The following RBFOX1 variants were observed in gnomAD, a reference collection of about 807,000 sequenced individuals.
RBFOX1 encodes RNA binding protein fox-1 homolog 1.
RBFOX1 carries 8 observed loss-of-function variants against 57.7 expected under a neutral mutation model. The observed-to-expected ratio is 0.14, with a 90% CI of 0.08 to 0.25. The LOEUF is 0.25. RBFOX1 is among the 10% of genes least tolerant of loss of function. The probability of loss-of-function intolerance (pLI) is 1.00; values close to 1 mark genes in which losing one functional copy is unlikely to be tolerated. For missense variants in RBFOX1, 611 were observed against 548.5 expected, an observed-to-expected ratio of 1.11 and a Z score of -1.14; for synonymous variants, 326 against 222.4, an observed-to-expected ratio of 1.47 and a Z score of -4.15.
chr16:6,813,901 G>T (rs2089413122), intron 3 of RBFOX1, among the ~76,000 whole-genome samples: 1 of 152,056 alleles, frequency 6.6e-6, no homozygotes, highest in African/African-American at 2.4e-5. Context: ...GGGAGATAAT[G>T]GTCCAGACTG....
At chr16:7,140,567 T>C (rs1377749615) in intron 4 of RBFOX1, among the ~76,000 whole-genome samples, 1 of 152,122 alleles carries the variant, frequency 6.6e-6, no homozygotes, top group Non-Finnish European at 1.5e-5. Context: ...CATTGATGAA[T>C]TTGGGGGCAT....
intron 1 of RBFOX1, among the ~76,000 whole-genome samples, chr16:5,427,372 G>C (rs1437539746): frequency 6.6e-6 from 1 of 152,198 alleles, no homozygotes; most frequent in East Asian, 1.9e-4. Context: ...ATCACCTGAG[G>C]TCAGGAGTTC....
At chr16:6,035,245 C>T (rs1168169782) in intron 1 of RBFOX1, among the ~76,000 whole-genome samples, 2 of 152,170 alleles carry the variant, frequency 1.3e-5, no homozygotes, top group Admixed American at 6.5e-5. Flanking sequence ...AGCATAACAC[C>T]AGAGACATGT....
At chr16:6,438,012 G>T (rs1251279847) in intron 2 of RBFOX1, among the ~76,000 whole-genome samples, 1 of 152,154 alleles carries the variant, frequency 6.6e-6, no homozygotes, top group Admixed American at 6.5e-5. Context: ...TGACTCTTGT[G>T]CCAGGAAAGA....
rs944656679 is a variant in RBFOX1, at chr16:7,360,700, C to T, written c.28-157447C>T. Among the ~76,000 whole-genome samples the T allele has an allele frequency of 7.9e-5, 12 of 152,326 alleles. No individual in the cohort carries two copies. In the East Asian group the frequency reaches 9.7e-4, roughly 12 times the overall value. On this transcript the variant is annotated intron_variant, in intron 4 of 15. Coordinates refer to ENST00000550418, the MANE Select transcript of RBFOX1 (RefSeq NM_018723.4). ...GTCCCTGGGATCTGTTGTAAATCTT[C>T]TCTGGATAATGCTGTCAACACACAG...
chr16:6,314,673 G>A (rs537667273), intron 1 of RBFOX1, among the ~76,000 whole-genome samples: 78 of 152,250 alleles, frequency 5.1e-4, no homozygotes, highest in African/African-American at 1.9e-3. Flanking sequence ...GGGGGTAGGA[G>A]CTGAAAAGGT....
chr16:7,229,846 G>A (rs1303165416), intron 4 of RBFOX1, among the ~76,000 whole-genome samples: 3 of 13,370 alleles, frequency 2.2e-4, no homozygotes, highest in African/African-American at 1.5e-3. Context: ...GGAAGGGAGA[G>A]AGAGGGAGGA....
At chr16:5,637,455 G>A (rs567241697) in intron 3 of RBFOX1, among the ~76,000 whole-genome samples, 56 of 152,278 alleles carry the variant, frequency 3.7e-4, no homozygotes, top group Non-Finnish European at 6.8e-4. Flanking sequence ...GACAGTAAAG[G>A]AATAAAACCT....
intron 1 of RBFOX1, among the ~76,000 whole-genome samples, chr16:6,136,108 T>C (rs940726248): frequency 1.3e-5 from 2 of 152,114 alleles, no homozygotes; most frequent in African/African-American, 4.8e-5. Flanking sequence ...TTTGACCTTT[T>C]TGCCATTGAC....
chr16:7,226,142 C>A (rs894161503), intron 4 of RBFOX1, among the ~76,000 whole-genome samples: 2 of 152,052 alleles, frequency 1.3e-5, no homozygotes, highest in Admixed American at 6.6e-5. Context: ...AAAAAGAGCA[C>A]CTCCTTTACA....
intron 3 of RBFOX1, among the ~76,000 whole-genome samples, chr16:6,925,978 C>G (rs2075505147): frequency 6.6e-6 from 1 of 152,014 alleles, no homozygotes; most frequent in Non-Finnish European, 1.5e-5. Context: ...GTCCTGGAAA[C>G]CATGTCAACC....
intron 4 of RBFOX1, among the ~76,000 whole-genome samples, chr16:7,272,347 G>T (rs1603467215): frequency 6.6e-6 from 1 of 152,038 alleles, no homozygotes; most frequent in Non-Finnish European, 1.5e-5. Context: ...ACTACACCCA[G>T]CTAGTTTTTG....
chr16:6,632,150 T>A (rs10163360), intron 2 of RBFOX1, among the ~76,000 whole-genome samples: 1 of 151,880 alleles, frequency 6.6e-6, no homozygotes. Flanking sequence ...ACTGCATCTC[T>A]GTGATCCTTC....
chr16:5,717,918 G>A, intron 3 of RBFOX1, among the ~76,000 whole-genome samples: 1 of 152,204 alleles, frequency 6.6e-6, no homozygotes, highest in Admixed American at 6.5e-5. Context: ...TTGAGGTACA[G>A]ATATCTCTTT....
chr16:5,785,110 C>T (rs1424245515), intron 3 of RBFOX1, among the ~76,000 whole-genome samples: 1 of 152,128 alleles, frequency 6.6e-6, no homozygotes, highest in Non-Finnish European at 1.5e-5. Context: ...CTTTTACCTT[C>T]CACGGATTTA....
chr16:5,681,896 A>G (rs905069467), intron 3 of RBFOX1, among the ~76,000 whole-genome samples: 3 of 152,128 alleles, frequency 2.0e-5, no homozygotes, highest in African/African-American at 7.2e-5. Flanking sequence ...GTGGTCTGAG[A>G]TGAATCTGGA....
chr16:6,647,243 T>G, intron 2 of RBFOX1, among the ~76,000 whole-genome samples: 1 of 152,256 alleles, frequency 6.6e-6, no homozygotes, highest in South Asian at 2.1e-4. Context: ...TAATTCTTTC[T>G]TTATTTTATT....
Position 7,096,025 on chromosome 16 carries a change from A to AG in RBFOX1, c.27+43927_27+43928insG, listed in dbSNP as rs1555467707. ...GAGACTCTGTCTCAAAAAAAAAAAA[A>AG]AAAAGAAAAGAAAAGAAAAAATAAA... On this transcript the variant is annotated intron_variant, in intron 4 of 15. Transcript: ENST00000550418. Among the ~76,000 whole-genome samples the AG allele has an allele frequency of 2.5e-3, 378 of 148,622 alleles. 2 individuals are homozygous for AG. The highest frequency in any genetic ancestry group is 8.5e-3 in the African/African-American group (341 of 40,292).
chr16:7,272,584 A>C (rs950574450), intron 4 of RBFOX1, among the ~76,000 whole-genome samples: 1 of 152,202 alleles, frequency 6.6e-6, no homozygotes, highest in Non-Finnish European at 1.5e-5. Flanking sequence ...GGTTGTAGAG[A>C]GGACAGGAAA....
Sources: allele counts gnomAD v4.1 joint callset (sites outside exome capture counted in the v4.1 genomes callset), GRCh38; gene constraint gnomAD v4.1.1; transcripts MANE v1.5; gene names NCBI Gene and HGNC (gene_info 2026-07-23, HGNC 2026-07-21).